Variants in KCNB2 observed in about 807,000 individuals in gnomAD.
KCNB2 encodes the protein potassium voltage-gated channel subfamily B member 2.
A neutral mutation model predicts 61.5 loss-of-function variants in KCNB2; 15 were observed. That is an observed-to-expected ratio of 0.24 (90% CI 0.16 to 0.38). The LOEUF (loss-of-function observed/expected upper bound fraction) is 0.38, where lower values mean the gene tolerates loss of function less well. Among genes scored for constraint, KCNB2 ranks in the 10% least tolerant of loss-of-function variants. KCNB2 has a pLI of 1.00. For missense variants in KCNB2, 828 were observed against 1,125.2 expected, an observed-to-expected ratio of 0.74 and a Z score of 3.78; for synonymous variants, 457 against 446.0, an observed-to-expected ratio of 1.02 and a Z score of -0.31.
chr8:72,898,947 A>G (rs1180176501), intron 2 of KCNB2, among the ~76,000 whole-genome samples: 1 of 152,090 alleles, frequency 6.6e-6, no homozygotes, highest in African/African-American at 2.4e-5. Flanking sequence ...CTCTAGCTTC[A>G]TCCATTTCAC....
chr8:72,573,580 T>C (rs1198410758), intron 2 of KCNB2, among the ~76,000 whole-genome samples: 2 of 150,952 alleles, frequency 1.3e-5, no homozygotes, highest in Admixed American at 1.3e-4. Context: ...CTGTGTGCCG[T>C]GCAGTGCTAT....
intron 2 of KCNB2, among the ~76,000 whole-genome samples, chr8:72,731,340 A>T (rs1377392480): frequency 6.6e-6 from 1 of 152,238 alleles, no homozygotes; most frequent in Non-Finnish European, 1.5e-5. Flanking sequence ...ACAAAACCAT[A>T]TTGGACATAA....
At chr8:72,614,840 A>G (rs1222981351) in intron 2 of KCNB2, among the ~76,000 whole-genome samples, 5 of 152,206 alleles carry the variant, frequency 3.3e-5, no homozygotes, top group Non-Finnish European at 5.9e-5. Context: ...GGAGACTCAG[A>G]GATGCCATAA....
intron 2 of KCNB2, among the ~76,000 whole-genome samples, chr8:72,573,066 T>A (rs1294621987): frequency 6.6e-6 from 1 of 152,194 alleles, no homozygotes; most frequent in Non-Finnish European, 1.5e-5. Context: ...GTTTCTTAGA[T>A]GCTGGTACCT....
intron 2 of KCNB2, among the ~76,000 whole-genome samples, chr8:72,915,171 A>G (rs1428833623): frequency 6.6e-5 from 10 of 152,086 alleles, no homozygotes; most frequent in Admixed American, 5.2e-4. Flanking sequence ...TGACTCCATG[A>G]TCGGCCTCCC....
At chr8:72,561,813 G>A (rs1324288741) in intron 1 of KCNB2, among the ~76,000 whole-genome samples, 1 of 127,040 alleles carries the variant, frequency 7.9e-6, no homozygotes. Context: ...ATGAATGATA[G>A]TTTTTAACTT....
At chr8:72,794,681 T>C (rs1809001739) in intron 2 of KCNB2, among the ~76,000 whole-genome samples, 1 of 152,062 alleles carries the variant, frequency 6.6e-6, no homozygotes. Flanking sequence ...GTAGAATCTG[T>C]CATTCAACTT....
At chr8:72,642,253 T>C (rs2128985777) in intron 2 of KCNB2, among the ~76,000 whole-genome samples, 1 of 152,294 alleles carries the variant, frequency 6.6e-6, no homozygotes. Context: ...TAATTTTATA[T>C]GGATTGTATG....
chr8:72,851,285 G>A (rs1810102661), intron 2 of KCNB2, among the ~76,000 whole-genome samples: 1 of 15,668 alleles, frequency 6.4e-5, no homozygotes, highest in Non-Finnish European at 2.5e-4. Context: ...GGGAACAACT[G>A]GGTGACAATA....
intron 2 of KCNB2, among the ~76,000 whole-genome samples, chr8:72,735,137 C>T (rs555691322): frequency 6.6e-6 from 1 of 152,264 alleles, no homozygotes; most frequent in Admixed American, 6.5e-5. Flanking sequence ...ACCAACCCAG[C>T]TATTTAAATC....
chr8:72,780,662 G>T (rs1282163179), intron 2 of KCNB2, among the ~76,000 whole-genome samples: 1 of 152,056 alleles, frequency 6.6e-6, no homozygotes, highest in Non-Finnish European at 1.5e-5. Flanking sequence ...TTGCTATTGT[G>T]ATTGATGCTG....
At chr8:72,572,461 G>A (rs1040320180) in intron 2 of KCNB2, among the ~76,000 whole-genome samples, 2 of 152,088 alleles carry the variant, frequency 1.3e-5, no homozygotes, top group African/African-American at 4.8e-5. Flanking sequence ...GCATGGTTTA[G>A]GATCTGCTTC....
intron 2 of KCNB2, among the ~76,000 whole-genome samples, chr8:72,874,361 C>T (rs1215943000): frequency 4.6e-5 from 7 of 152,126 alleles, no homozygotes; most frequent in South Asian, 2.1e-4. Flanking sequence ...TGAACACTGA[C>T]GAGCCAGCAC....
chr8:72,815,555 C>T, intron 2 of KCNB2, among the ~76,000 whole-genome samples: 1 of 152,128 alleles, frequency 6.6e-6, no homozygotes, highest in East Asian at 1.9e-4. Flanking sequence ...ATCATCTAAA[C>T]CACTCAATAA....
chr8:72,636,298 G>A (rs184930610), intron 2 of KCNB2, among the ~76,000 whole-genome samples: 2 of 152,254 alleles, frequency 1.3e-5, no homozygotes, highest in East Asian at 3.9e-4. Flanking sequence ...ACAGATGGTT[G>A]AAGTCCTACT....
intron 2 of KCNB2, among the ~76,000 whole-genome samples, chr8:72,620,478 A>G (rs976827132): frequency 1.3e-5 from 2 of 152,206 alleles, no homozygotes; most frequent in Admixed American, 6.5e-5. Context: ...TGTGCAGGAG[A>G]GGGAGACATT....
intron 2 of KCNB2, among the ~76,000 whole-genome samples, chr8:72,800,727 G>A (rs1809112415): frequency 6.6e-6 from 1 of 152,160 alleles, no homozygotes; most frequent in Non-Finnish European, 1.5e-5. Flanking sequence ...CAAGGGCAAG[G>A]AGGCAATTGG....
At chr8:72,609,581 CT>C (rs1805506450) in intron 2 of KCNB2, among the ~76,000 whole-genome samples, 1 of 152,088 alleles carries the variant, frequency 6.6e-6, no homozygotes, top group African/African-American at 2.4e-5. Context: ...TTTATTTGTG[CT>C]TGAACATAAG....
intron 2 of KCNB2, among the ~76,000 whole-genome samples, chr8:72,666,534 G>A (rs2128987786): frequency 6.6e-6 from 1 of 152,214 alleles, no homozygotes; most frequent in Admixed American, 6.5e-5. Context: ...AGCTTTGATT[G>A]AATTCTAAAT....
Sources: allele counts gnomAD v4.1 joint callset (sites outside exome capture counted in the v4.1 genomes callset), GRCh38; gene constraint gnomAD v4.1.1; transcripts MANE v1.5; gene names NCBI Gene and HGNC (gene_info 2026-07-23, HGNC 2026-07-21).